Variants in CNOT9 observed in about 807,000 individuals in gnomAD.
CNOT9 encodes CCR4-NOT transcription complex subunit 9.
A neutral mutation model predicts 37.4 loss-of-function variants in CNOT9; 8 were observed. The observed-to-expected ratio is 0.21, with a 90% CI of 0.13 to 0.39. The LOEUF is 0.39. CNOT9 is among the 10% of genes least tolerant of loss of function. The probability of loss-of-function intolerance (pLI) is 1.00; values close to 1 mark genes in which losing one functional copy is unlikely to be tolerated. For synonymous variants in CNOT9, 120 were observed against 137.6 expected (o/e 0.87, Z 0.90); for missense variants, 154 against 365.3 (o/e 0.42, Z 4.71).
chr2:218,581,207 C>T (rs1266378861), intron 2 of CNOT9: 18 of 285,578 alleles, frequency 6.3e-5, no homozygotes, highest in South Asian at 3.5e-4. Flanking sequence ...CTCGCTCTGT[C>T]GCCCAGACTA....
chr2:218,579,400 C>T (rs772779889), intron 1 of CNOT9, among the ~76,000 whole-genome samples: 8 of 152,130 alleles, frequency 5.3e-5, no homozygotes, highest in Non-Finnish European at 1.2e-4. Flanking sequence ...TAGAGAGCTG[C>T]TTCTTTTTTT....
chr2:218,587,821 T>A, intron 5 of CNOT9, 126 bp downstream of exon 5: 1 of 457,246 alleles, frequency 2.2e-6, no homozygotes, highest in Non-Finnish European at 3.7e-6. Flanking sequence ...TGAATAAAAA[T>A]TATTATGAAA....
At chr2:218,569,765 GTTC>G (rs1356433284) in intron 1 of CNOT9, among the ~76,000 whole-genome samples, 4 of 152,288 alleles carry the variant, frequency 2.6e-5, no homozygotes, top group East Asian at 3.9e-4. Flanking sequence ...TGGAGTGAAT[GTTC>G]TTCTTATCCC....
chr2:218,572,562 TCCAGGC>T (rs1418894367), intron 1 of CNOT9: 1 of 402,302 alleles, frequency 2.5e-6, no homozygotes, highest in Non-Finnish European at 3.4e-6. Flanking sequence ...TTAAAAATTT[TCCAGGC>T]TGCAGTGAGC....
At position 218,569,097 on chromosome 2, in the gene CNOT9, C is replaced by G. The variant is rs1693848209; in HGVS notation, c.24+119C>G. 5 of 1,101,652 alleles carry G rather than the reference C, an allele frequency of 4.5e-6. No homozygotes were observed. The South Asian group carries it at 7.3e-5, about 16-fold the overall frequency. The allele number at this position is 1,101,652 out of a possible 1,614,324, so 68.2% of individuals were successfully genotyped here. On this transcript the variant is annotated intron_variant, in intron 1 of 7. Transcript: ENST00000273064. Reference sequence around the variant, plus strand: ...CTGATTTTTTTCTGCCCTCAATCTCCAAGGCCCCGGTTCCCCTCCTCGGCA... The same window carrying G: ...CTGATTTTTTTCTGCCCTCAATCTCGAAGGCCCCGGTTCCCCTCCTCGGCA...
chr2:218,581,027 C>G, intron 2 of CNOT9: 1 of 537,708 alleles, frequency 1.9e-6, no homozygotes, highest in South Asian at 1.5e-5. Context: ...AAGAACTACG[C>G]TTTGACGAAC....
intron 3 of CNOT9, among the ~76,000 whole-genome samples, chr2:218,583,589 C>A (rs1227377549): frequency 6.6e-6 from 1 of 152,146 alleles, no homozygotes; most frequent in African/African-American, 2.4e-5. Context: ...CCTGTCATAT[C>A]TAAAAAATTA....
At chr2:218,593,943 T>C in intron 7 of CNOT9, 165 bp from the exon 8 acceptor site, 1 of 960,656 alleles carries the variant, frequency 1.0e-6, no homozygotes, top group Non-Finnish European at 1.5e-6. Flanking sequence ...TGGAGATCTC[T>C]AAGCCTATGC....
chr2:218,573,444 C>A lies in CNOT9; in HGVS notation c.24+4466C>A, dbSNP rs553223667. Among the ~76,000 whole-genome samples the A allele has an allele frequency of 9.9e-4, 150 of 152,204 alleles. No individual in the cohort carries two copies. The Middle Eastern group carries it at 0.017, about 17-fold the overall frequency. On this transcript the variant is annotated intron_variant, in intron 1 of 7. Coordinates refer to ENST00000273064, the MANE Select transcript of CNOT9 (RefSeq NM_005444.3). ...AATACCATGCTGACACCCAAATCCA[C>A]GTGTTGATCTCCAGACTTGGGAAAA...
At chr2:218,585,521 C>T (rs1375389433) in intron 4 of CNOT9, among the ~76,000 whole-genome samples, 2 of 149,102 alleles carry the variant, frequency 1.3e-5, no homozygotes, top group African/African-American at 5.0e-5. Flanking sequence ...GCAGTGATTG[C>T]AGTGAGCCAA....
At position 218,592,168 on chromosome 2, in the gene CNOT9, T is replaced by C. The variant is rs1343851721; in HGVS notation, c.541-136T>C. The stretch of plus-strand genomic sequence containing the variant: ...TATTCTTTGTACTATACATATATGA[T>C]AAAGTTGTACATAATATACAAGGAT... On this transcript the variant is annotated intron_variant, in intron 5 of 7. Coordinates refer to ENST00000273064, the MANE Select transcript of CNOT9 (RefSeq NM_005444.3). The surrounding 1 kb of genome is among the most constrained non-coding windows in gnomAD (Gnocchi z 4.1). 1.5e-6 allele frequency: 1 copy of C among 647,720 alleles called. No homozygotes were observed. Among genetic ancestry groups the C allele is most frequent in the East Asian group, 2.7e-5 (1 of 37,498 alleles). The allele number at this position is 647,720 out of a possible 1,614,324, so 40.1% of individuals were successfully genotyped here. A position where few individuals can be genotyped will look rare whatever the true frequency, so the allele number is the denominator to read the frequency against.
intron 4 of CNOT9, 39 bp downstream of exon 4, chr2:218,584,760 A>C: frequency 7.9e-5 from 108 of 1,365,268 alleles, no homozygotes; most frequent in Non-Finnish European, 1.1e-4. Flanking sequence ...TGAAATACTC[A>C]CAGTAGTAGT....
intron 7 of CNOT9, 120 bp from the exon 8 acceptor site, chr2:218,593,988 A>G (rs1270574406): frequency 9.1e-7 from 1 of 1,096,898 alleles, no homozygotes; most frequent in African/African-American, 1.6e-5. Context: ...ATGGCTTCTT[A>G]AGGAGCCATA....
chr2:218,583,161 G>A, intron 3 of CNOT9, 75 bp downstream of exon 3: 2 of 794,616 alleles, frequency 2.5e-6, no homozygotes, highest in Non-Finnish European at 2.1e-6. Context: ...AATAATAAAA[G>A]GAAGGGCATG....
chr2:218,596,538 AACACAC>A lies in CNOT9; in HGVS notation c.*2280_*2285del, dbSNP rs36013982. On this transcript the variant is annotated 3_prime_UTR_variant, in exon 8 of 8. Transcript: ENST00000273064. ...GCTTCTCCCCTCTGTCTACCTACAC[AACACAC>A]ACACACACACACACACAGCCCTGCT... 0.027 allele frequency: 4,104 copies of A among 149,990 alleles called. 176 individuals are homozygous for A. Among genetic ancestry groups the A allele is most frequent in the African/African-American group, 0.095 (3,894 of 41,096 alleles). The allele number at this position is 149,990 out of a possible 1,614,324, so 9.3% of individuals were successfully genotyped here. A position where few individuals can be genotyped will look rare whatever the true frequency, so the allele number is the denominator to read the frequency against.
chr2:218,595,745 AG>A lies in CNOT9; in HGVS notation c.*1471del, dbSNP rs2106103123. The A allele has an allele frequency of 6.6e-6, 1 of 150,978 alleles. No individual in the cohort carries two copies. Among genetic ancestry groups the A allele is most frequent in the Non-Finnish European group, 1.5e-5 (1 of 67,726 alleles). 9.4% of individuals were successfully genotyped at this position (150,978 alleles called of 1,614,324 possible). ...AGCTTGGGGAGGGTCTATAAGGGGT[AG>A]GCTCAAAAAAAAAAAAACCCATTTG... On this transcript the variant is annotated 3_prime_UTR_variant, in exon 8 of 8. Coordinates refer to ENST00000273064, the MANE Select transcript of CNOT9 (RefSeq NM_005444.3).
At chr2:218,569,038 C>T (rs974734339) in intron 1 of CNOT9, 60 bp downstream of exon 1, 1 of 1,586,776 alleles carries the variant, frequency 6.3e-7, no homozygotes, top group Non-Finnish European at 8.6e-7. Flanking sequence ...ACGTTTCGGC[C>T]TTCTCTCCTA....
intron 5 of CNOT9, among the ~76,000 whole-genome samples, chr2:218,588,301 T>TC (rs1694655903): frequency 2.0e-5 from 3 of 151,664 alleles, no homozygotes; most frequent in Non-Finnish European, 4.4e-5. Flanking sequence ...TTTTTTTTTT[T>TC]TCTCTGAGAT....
intron 4 of CNOT9, among the ~76,000 whole-genome samples, chr2:218,585,557 G>T (rs1408260546): frequency 7.3e-6 from 1 of 136,272 alleles, no homozygotes; most frequent in South Asian, 2.6e-4. Flanking sequence ...CTCCAGCCTG[G>T]GCGGCAGAGG....
Sources: gnomAD v4.1 joint callset for allele counts (sites outside exome capture counted in the v4.1 genomes callset) on GRCh38, gnomAD v4.1.1 for gene constraint, Gnocchi (gnomAD v3.1) non-coding constraint, MANE v1.5 for transcripts, NCBI Gene and HGNC (gene_info 2026-07-23, HGNC 2026-07-21) for gene names.